DIAPH2: variants seen among roughly 807,000 people sequenced by gnomAD.
DIAPH2 encodes diaphanous related formin 2.
A neutral mutation model predicts 92.7 loss-of-function variants in DIAPH2; 35 were observed. The observed-to-expected ratio is 0.38, with a 90% confidence interval of 0.29 to 0.50. The LOEUF is 0.50. Ranked by LOEUF, DIAPH2 falls within the 20% of genes least tolerant of loss-of-function variation. DIAPH2 has a pLI of 0.94. For missense variants in DIAPH2, 701 were observed against 819.5 expected, an observed-to-expected ratio of 0.86 and a Z score of 1.77; for synonymous variants, 301 against 280.4, an observed-to-expected ratio of 1.07 and a Z score of -0.73.
chrX:97,546,790 C>T (rs1212475836), intron 26 of DIAPH2, among the ~76,000 whole-genome samples: 1 of 110,173 alleles, frequency 9.1e-6, no homozygotes, highest in African/African-American at 3.3e-5. Context: ...GAGCCAAGAT[C>T]GCGCCATTGC....
intron 23 of DIAPH2, among the ~76,000 whole-genome samples, chrX:97,336,371 G>A (rs745432759): frequency 1.0e-4 from 11 of 105,679 alleles, no homozygotes; most frequent in South Asian, 4.5e-4. Context: ...TCAGCCTCCC[G>A]AGTAGCTGGG....
intron 26 of DIAPH2, among the ~76,000 whole-genome samples, chrX:97,515,252 G>A (rs187876442): frequency 1.5e-4 from 17 of 112,583 alleles, no homozygotes; most frequent in African/African-American, 5.1e-4. Flanking sequence ...CGCAGTATTC[G>A]GGTGGGAGTG....
chrX:97,142,201 C>A (rs1052845971), intron 22 of DIAPH2, among the ~76,000 whole-genome samples: 11 of 110,911 alleles, frequency 9.9e-5, no homozygotes, highest in Non-Finnish European at 2.1e-4. Context: ...TACATACACA[C>A]AAATGTGTTA....
chrX:97,223,895 T>A lies in DIAPH2; in HGVS notation c.2720-23820T>A, dbSNP rs758273695. Among the ~76,000 whole-genome samples the A allele has an allele frequency of 2.2e-3, 247 of 111,433 alleles. 1 individual carries two copies. The highest frequency in any genetic ancestry group is 7.8e-3 in the African/African-American group (239 of 30,675). On this transcript the variant is annotated intron_variant, in intron 22 of 26. Coordinates refer to ENST00000324765, the MANE Select transcript of DIAPH2 (RefSeq NM_006729.5). ...GAGTCTAGTTCAAAGTAGAGAAAGT[T>A]ATTGTTTACTGTTTTTTTAGTTTAA... is the stretch of plus-strand genomic sequence containing the variant.
At chrX:96,939,597 T>C (rs1232995033) in intron 12 of DIAPH2, among the ~76,000 whole-genome samples, 22 of 59,083 alleles carry the variant, frequency 3.7e-4, no homozygotes, top group Non-Finnish European at 7.0e-4. Flanking sequence ...TGTGTGTGTG[T>C]ATATACACAC....
chrX:97,002,758 A>G (rs2066153101), intron 17 of DIAPH2, among the ~76,000 whole-genome samples: 2 of 111,866 alleles, frequency 1.8e-5, no homozygotes, highest in Non-Finnish European at 3.8e-5. Context: ...TGTGATATGC[A>G]ACACCTCAAG....
intron 15 of DIAPH2, 68 bp downstream of exon 15, chrX:96,949,107 A>G (rs2065756226): frequency 2.9e-6 from 2 of 692,458 alleles, no homozygotes; most frequent in East Asian, 3.6e-5. Context: ...TTATCTTGTT[A>G]TATAGAAGGA....
Position 96,966,986 on chromosome X carries a change from C to T in DIAPH2, c.2050+1779C>T, listed in dbSNP as rs191520424. On this transcript the variant is annotated intron_variant, in intron 17 of 26. Transcript: ENST00000324765. ...TTTTTGAATATGGAGTGAGATTGAG[C>T]ACATTTTCTTATATTCACAGGCAAT... Among the ~76,000 whole-genome samples, 9 of 111,749 alleles carry T rather than the reference C, an allele frequency of 8.1e-5. No individual in the cohort carries two copies. In the Admixed American group the frequency reaches 8.5e-4, roughly 11 times the overall value.
intron 23 of DIAPH2, among the ~76,000 whole-genome samples, chrX:97,334,998 CAAA>C (rs746536131): frequency 0.011 from 342 of 31,452 alleles, 6 homozygotes; most frequent in African/African-American, 0.025. Flanking sequence ...AAAAACAAAA[CAAA>C]AAAAAAAAAA....
intron 22 of DIAPH2, among the ~76,000 whole-genome samples, chrX:97,187,384 T>C (rs1014190314): frequency 1.0e-5 from 1 of 96,943 alleles, no homozygotes; most frequent in Non-Finnish European, 2.0e-5. Context: ...CAAGTGATTC[T>C]CCAACCTCAA....
In DIAPH2 at chrX:97,464,297, T is replaced by TAAAAAAAAAAA. The variant is rs753355896; in HGVS notation, c.3241+34572_3241+34582dup. Among the ~76,000 whole-genome samples, 12 of 32,946 alleles carry TAAAAAAAAAAA rather than the reference T, an allele frequency of 3.6e-4. 1 individual carries two copies. Among genetic ancestry groups the TAAAAAAAAAAA allele is most frequent in the African/African-American group, 1.0e-3 (7 of 6,698 alleles). 28.6% of individuals were successfully genotyped at this position (32,946 alleles called of 115,157 possible). On this transcript the variant is annotated intron_variant, in intron 26 of 26. Coordinates refer to ENST00000324765, the MANE Select transcript of DIAPH2 (RefSeq NM_006729.5). Reference sequence around the variant, plus strand: ...TAACACGGTGAAACCCCATCTCTACTAAAAAAAAAAAAAAAAAAAAAAAAA... The same window carrying TAAAAAAAAAAA: ...TAACACGGTGAAACCCCATCTCTACTAAAAAAAAAAAAAAAAAAAAAAAAAAAAAAAAAAAA...
intron 26 of DIAPH2, among the ~76,000 whole-genome samples, chrX:97,489,054 T>C (rs1227902982): frequency 8.9e-6 from 1 of 111,991 alleles, no homozygotes; most frequent in Admixed American, 9.5e-5. Flanking sequence ...ATTTTAACAA[T>C]ATTAAGTCTT....
chrX:97,120,318 C>G lies in DIAPH2; in HGVS notation c.2589+5353C>G, dbSNP rs879178709. Among the ~76,000 whole-genome samples the G allele has an allele frequency of 5.4e-5, 6 of 110,775 alleles. No individual in the cohort carries two copies. In the Admixed American group the frequency reaches 5.8e-4, roughly 11 times the overall value. ...TCCCTCAAACTAGACCTTCGGTTTCCCCAGTAGGGGTGTGTGTTCGGTGGT... is the reference window on the plus strand; with the variant it reads ...TCCCTCAAACTAGACCTTCGGTTTCGCCAGTAGGGGTGTGTGTTCGGTGGT... On this transcript the variant is annotated intron_variant, in intron 21 of 26. Coordinates refer to ENST00000324765, the MANE Select transcript of DIAPH2 (RefSeq NM_006729.5).
intron 4 of DIAPH2, among the ~76,000 whole-genome samples, chrX:96,798,657 G>C (rs750937511): frequency 9.0e-6 from 1 of 111,517 alleles, no homozygotes; most frequent in South Asian, 3.7e-4. Context: ...CTAGTTATTA[G>C]AATGCGACAT....
intron 24 of DIAPH2, among the ~76,000 whole-genome samples, chrX:97,382,251 T>C (rs761191737): frequency 2.3e-4 from 26 of 112,663 alleles, no homozygotes; most frequent in Middle Eastern, 4.7e-3. Flanking sequence ...TTAATTTTTA[T>C]TGAGATAATT....
At chrX:97,225,977 T>C (rs2147521327) in intron 22 of DIAPH2, among the ~76,000 whole-genome samples, 1 of 111,748 alleles carries the variant, frequency 8.9e-6, no homozygotes, top group South Asian at 3.7e-4. Context: ...ATTACACAGC[T>C]GCTCTAGAGG....
intron 26 of DIAPH2, among the ~76,000 whole-genome samples, chrX:97,433,523 G>T (rs1031264459): frequency 6.4e-5 from 7 of 109,551 alleles, no homozygotes; most frequent in South Asian, 4.3e-4. Context: ...CTCAAAAAAA[G>T]AAAAAAAGAA....
chrX:96,710,094 G>A (rs1416065381), intron 1 of DIAPH2, among the ~76,000 whole-genome samples: 1 of 111,185 alleles, frequency 9.0e-6, no homozygotes, highest in Non-Finnish European at 1.9e-5. Context: ...GTAATCTTGA[G>A]GAATTCTATA....
chrX:97,025,508 T>C (rs1056348733), intron 17 of DIAPH2, among the ~76,000 whole-genome samples: 15 of 108,405 alleles, frequency 1.4e-4, no homozygotes, highest in East Asian at 2.9e-4. Context: ...AAAAAATAGC[T>C]GGGCGTGGTG....
Sources: allele counts gnomAD v4.1 joint callset (sites outside exome capture counted in the v4.1 genomes callset), GRCh38; gene constraint gnomAD v4.1.1; transcripts MANE v1.5; gene names NCBI Gene and HGNC (gene_info 2026-07-23, HGNC 2026-07-21).